Variants in KIRREL3 observed in about 807,000 individuals in gnomAD.
KIRREL3 encodes the protein kirre like nephrin family adhesion molecule 3.
In KIRREL3, 36 loss-of-function variants were observed where a neutral mutation model predicts 89.7. The observed-to-expected ratio is 0.40, with a 90% CI of 0.31 to 0.53. The LOEUF is 0.53. KIRREL3 is among the 20% of genes least tolerant of loss of function. The pLI, the probability that KIRREL3 is intolerant of heterozygous loss-of-function variation, is 0.49. For synonymous variants in KIRREL3, 445 were observed against 441.4 expected (o/e 1.01, Z -0.10); for missense variants, 864 against 1,056.6 (o/e 0.82, Z 2.53).
intron 1 of KIRREL3, among the ~76,000 whole-genome samples, chr11:126,584,098 T>A (rs1323657496): frequency 6.6e-6 from 1 of 152,170 alleles, no homozygotes; most frequent in Non-Finnish European, 1.5e-5. Context: ...GAAAATGAGA[T>A]GATGTATCCG....
chr11:126,973,100 G>GAAAA (rs11449960), intron 1 of KIRREL3, among the ~76,000 whole-genome samples: 20 of 119,598 alleles, frequency 1.7e-4, no homozygotes, highest in Admixed American at 2.8e-4. Flanking sequence ...AAGTTTTGAG[G>GAAAA]AAAAAAAAAA....
At chr11:126,829,608 C>T (rs1042003887) in intron 1 of KIRREL3, among the ~76,000 whole-genome samples, 32 of 152,030 alleles carry the variant, frequency 2.1e-4, no homozygotes, top group African/African-American at 7.7e-4. Flanking sequence ...ACCTACTTCC[C>T]AATGCTCATG....
chr11:126,982,706 A>G (rs1591422517), intron 1 of KIRREL3, among the ~76,000 whole-genome samples: 2 of 152,312 alleles, frequency 1.3e-5, no homozygotes, highest in Admixed American at 1.3e-4. Context: ...CAATGCTGTA[A>G]GCAGACAAGG....
In KIRREL3 at chr11:126,470,159, C is replaced by T. The variant is rs548504150; in HGVS notation, c.591+3150G>A. Among the ~76,000 whole-genome samples the T allele has an allele frequency of 2.6e-5, 4 of 152,364 alleles. No individual in the cohort carries two copies. In the East Asian group the frequency reaches 7.7e-4, roughly 29 times the overall value. ...ACAGGTCCAGCAGAGTGACCCTGAC[C>T]TCTCTCTCCACCTGATGGCATGTGT... On this transcript the variant is annotated intron_variant, in intron 5 of 16. Transcript: ENST00000525144.
At chr11:126,986,765 T>C (rs1443011789) in intron 1 of KIRREL3, among the ~76,000 whole-genome samples, 1 of 152,238 alleles carries the variant, frequency 6.6e-6, no homozygotes, top group Non-Finnish European at 1.5e-5. Flanking sequence ...TCCCGATTCC[T>C]GATGTAACAT....
intron 4 of KIRREL3, among the ~76,000 whole-genome samples, chr11:126,507,428 A>G (rs1958060998): frequency 1.3e-5 from 2 of 152,300 alleles, no homozygotes; most frequent in South Asian, 4.2e-4. Flanking sequence ...CAACCTCTCA[A>G]CACCTCCTTT....
At position 126,761,475 on chromosome 11, in the gene KIRREL3, C is replaced by T. The variant is rs186228904; in HGVS notation, c.56-198563G>A. 2.6e-5 allele frequency among the ~76,000 whole-genome samples: 4 copies of T among 152,356 alleles called. No individual in the cohort carries two copies. The highest frequency in any genetic ancestry group is 6.5e-5 in the Admixed American group (1 of 15,302). On this transcript the variant is annotated intron_variant, in intron 1 of 16. Transcript: ENST00000525144. This position sits in a 1 kb window ranked among gnomAD's most constrained non-coding sequence, Gnocchi z 4.4. ...GAGCAAGACAACCCCAGTCCCAGCCCTGCTCCTTTCTCTTTCAAGGCATGG... is the reference window on the plus strand; with the variant it reads ...GAGCAAGACAACCCCAGTCCCAGCCTTGCTCCTTTCTCTTTCAAGGCATGG...
chr11:126,899,745 TAGCTAGGGCTAGTGA>T (rs1946298134), intron 1 of KIRREL3, among the ~76,000 whole-genome samples: 1 of 152,230 alleles, frequency 6.6e-6, no homozygotes, highest in Non-Finnish European at 1.5e-5. Context: ...GAAGGTTGGT[TAGCTAGGGCTAGTGA>T]AGCAGCTGCC....
chr11:126,521,380 G>T lies in KIRREL3; in HGVS notation c.368C>A (p.Ala123Glu). ...KILRAELQDD[A>E]VYECQAIQAA... ...CTGGATGGCCTGGCACTCGTACACCGCATCGTCTTGCAGCTCTGCCCTCAG... is the reference window on the plus strand; with the variant it reads ...CTGGATGGCCTGGCACTCGTACACCTCATCGTCTTGCAGCTCTGCCCTCAG... Residue 123 changes from alanine (A) to glutamate (E), a missense_variant, in exon 4 of 17, where the codon GCG becomes GAG. By Grantham distance (107) the Ala-to-Glu change is moderately radical. Coordinates refer to ENST00000525144, the MANE Select transcript of KIRREL3 (RefSeq NM_032531.4). The surrounding 1 kb of genome is among the most constrained non-coding windows in gnomAD (Gnocchi z 4.1). 1 of 1,561,702 alleles carries T rather than the reference G, an allele frequency of 6.4e-7. No homozygotes were observed. Among genetic ancestry groups the T allele is most frequent in the Non-Finnish European group, 8.7e-7 (1 of 1,153,116 alleles).
intron 1 of KIRREL3, among the ~76,000 whole-genome samples, chr11:126,804,976 G>A (rs943831009): frequency 5.3e-5 from 8 of 152,148 alleles, no homozygotes; most frequent in African/African-American, 1.7e-4. Context: ...AATCATTTTG[G>A]TTGTGGGAAA....
rs371482819 is a variant in KIRREL3, at chr11:126,447,235, G to A, written c.998-349C>T. ...CCTTCCCTCTGTCTGGATCACGCCC[G>A]GTGCTAGAAAGCTGCGGAAGCCCCT... On this transcript the variant is annotated intron_variant, in intron 8 of 16. Coordinates refer to ENST00000525144, the MANE Select transcript of KIRREL3 (RefSeq NM_032531.4). 1.5e-3 allele frequency among the ~76,000 whole-genome samples: 230 copies of A among 152,274 alleles called. 2 individuals are homozygous for A. The South Asian group carries it at 0.016, about 11-fold the overall frequency.
rs899958000 is a variant in KIRREL3 at position 126,574,186 on chromosome 11, C to T, written c.56-11274G>A. On this transcript the variant is annotated intron_variant, in intron 1 of 16. Coordinates refer to ENST00000525144, the MANE Select transcript of KIRREL3 (RefSeq NM_032531.4). The surrounding 1 kb of genome is among the most constrained non-coding windows in gnomAD (Gnocchi z 5.3). The stretch of plus-strand genomic sequence containing the variant: ...ATACATGTTCTTCTTTAACCCTAAA[C>T]ATTTATGGAGGACACTGAGGATGAG... Among the ~76,000 whole-genome samples the T allele has an allele frequency of 2.6e-5, 4 of 152,172 alleles. No individual in the cohort carries two copies. Among genetic ancestry groups the T allele is most frequent in the Non-Finnish European group, 5.9e-5 (4 of 68,040 alleles).
At position 126,431,545 on chromosome 11, in the gene KIRREL3, C is replaced by T. The variant is rs1250538832; in HGVS notation, c.1589-19G>A. On this transcript the variant is annotated intron_variant, in intron 13 of 16. Coordinates refer to ENST00000525144, the MANE Select transcript of KIRREL3 (RefSeq NM_032531.4). The surrounding 1 kb of genome is among the most constrained non-coding windows in gnomAD (Gnocchi z 7.1). The stretch of plus-strand genomic sequence containing the variant: ...ACAGACTCTGTGGGAGAGAAGCGGG[C>T]ACAGCTGATGACGGATGGGGAATGG... The T allele has an allele frequency of 6.2e-7, 1 of 1,608,986 alleles. No individual in the cohort carries two copies. Among genetic ancestry groups the T allele is most frequent in the African/African-American group, 1.3e-5 (1 of 74,856 alleles).
chr11:126,502,004 AG>A (rs1466493635), intron 4 of KIRREL3, among the ~76,000 whole-genome samples: 1 of 152,228 alleles, frequency 6.6e-6, no homozygotes, highest in Non-Finnish European at 1.5e-5. Flanking sequence ...TAAACTGACC[AG>A]GTCTTTGTAA....
chr11:126,737,462 G>A (rs1024181841), intron 1 of KIRREL3, among the ~76,000 whole-genome samples: 1 of 152,330 alleles, frequency 6.6e-6, no homozygotes, highest in African/African-American at 2.4e-5. Context: ...GGAAGGAGTG[G>A]AGGGGACAGA....
chr11:126,735,275 G>A (rs58137015), intron 1 of KIRREL3, among the ~76,000 whole-genome samples: 1 of 152,184 alleles, frequency 6.6e-6, no homozygotes, highest in Admixed American at 6.5e-5. Flanking sequence ...GGGTCTGAAC[G>A]TGAATCCACG....
At chr11:126,821,769 C>G (rs1943234504) in intron 1 of KIRREL3, among the ~76,000 whole-genome samples, 3 of 151,972 alleles carry the variant, frequency 2.0e-5, no homozygotes, top group Non-Finnish European at 4.4e-5. Context: ...CAGCAGAGTT[C>G]AGGTCAGAAT....
intron 1 of KIRREL3, among the ~76,000 whole-genome samples, chr11:126,855,159 T>G (rs1477815939): frequency 1.3e-5 from 2 of 152,212 alleles, no homozygotes; most frequent in Admixed American, 6.5e-5. Flanking sequence ...CTTATTGATA[T>G]GGTTTGGATT....
intron 1 of KIRREL3, among the ~76,000 whole-genome samples, chr11:126,889,968 T>A (rs1313091646): frequency 1.3e-5 from 2 of 152,332 alleles, no homozygotes; most frequent in East Asian, 3.9e-4. Flanking sequence ...TGGCAGCCAA[T>A]CATAGCCTCT....
Sources: allele counts gnomAD v4.1 joint callset (sites outside exome capture counted in the v4.1 genomes callset), GRCh38; gene constraint gnomAD v4.1.1; non-coding constraint Gnocchi (gnomAD v3.1); transcripts MANE v1.5; gene names NCBI Gene and HGNC (gene_info 2026-07-23, HGNC 2026-07-21).